The following ZNF407 variants were observed in gnomAD, a reference collection of about 807,000 sequenced individuals.
ZNF407 encodes zinc finger protein 407.
A neutral mutation model predicts 131.2 loss-of-function variants in ZNF407; 17 were observed. The ratio of observed to expected loss-of-function variants is 0.13; its 90% CI spans 0.09 to 0.19. The LOEUF (loss-of-function observed/expected upper bound fraction) is 0.19. Ranked by LOEUF, ZNF407 falls within the 10% of genes least tolerant of loss-of-function variation. The pLI is 1.00. For missense variants in ZNF407, 2,681 were observed against 2,830.6 expected, an observed-to-expected ratio of 0.95 and a Z score of 1.20; for synonymous variants, 1,156 against 1,062.0, an observed-to-expected ratio of 1.09 and a Z score of -1.72.
At chr18:74,934,371 G>A (rs979616324) in intron 8 of ZNF407, among the ~76,000 whole-genome samples, 89 of 152,030 alleles carry the variant, frequency 5.9e-4, no homozygotes, top group Non-Finnish European at 4.1e-4. Context: ...TTCCTTGTCT[G>A]GTTTCATTAA....
intron 4 of ZNF407, among the ~76,000 whole-genome samples, chr18:74,850,007 A>G (rs562951115): frequency 7.2e-5 from 11 of 152,228 alleles, no homozygotes; most frequent in Non-Finnish European, 1.5e-4. Flanking sequence ...TGTTAAAATT[A>G]GAGGGAAAAA....
At chr18:74,965,976 A>G (rs1240731489) in intron 8 of ZNF407, among the ~76,000 whole-genome samples, 1 of 152,144 alleles carries the variant, frequency 6.6e-6, no homozygotes, top group East Asian at 1.9e-4. Flanking sequence ...AGAAATGTCT[A>G]TTCAAATCTT....
At chr18:74,862,543 C>T (rs574808057) in intron 4 of ZNF407, among the ~76,000 whole-genome samples, 3 of 152,118 alleles carry the variant, frequency 2.0e-5, no homozygotes, top group Middle Eastern at 3.4e-3. Context: ...TTTTGTTTGC[C>T]GAAGTACCAA....
At chr18:74,826,668 C>T (rs1031435824) in intron 4 of ZNF407, among the ~76,000 whole-genome samples, 1 of 152,030 alleles carries the variant, frequency 6.6e-6, no homozygotes, top group South Asian at 2.1e-4. Flanking sequence ...TCTGATTTAC[C>T]CTTATTAGTA....
Position 74,881,031 on chromosome 18 carries a change from A to G in ZNF407, c.5045-5A>G. ...CAGTCCCTCATCTGTTTGTTGTTGC[A>G]ACAGGCGAGAAGTCGTTTCTGTGTG... On this transcript the variant is annotated splice_polypyrimidine_tract_variant and splice_region_variant and intron_variant, in intron 5 of 8. Coordinates refer to ENST00000299687, the MANE Select transcript of ZNF407 (RefSeq NM_017757.3). 6.3e-7 allele frequency: 1 copy of G among 1,588,234 alleles called. No homozygotes were observed. Among genetic ancestry groups the G allele is most frequent in the South Asian group, 1.1e-5 (1 of 87,304 alleles).
chr18:74,952,975 G>T (rs114713072), intron 8 of ZNF407, among the ~76,000 whole-genome samples: 5,603 of 152,282 alleles, frequency 0.037, 376 homozygotes, highest in African/African-American at 0.13. Context: ...GGTCATTTGG[G>T]CTTGGAGTGA....
rs527869986 is a variant in ZNF407, at chr18:74,724,949, C to G, written c.4803-56479C>G. Among the ~76,000 whole-genome samples, 4 of 152,308 alleles carry G rather than the reference C, an allele frequency of 2.6e-5. No individual in the cohort carries two copies. The East Asian group carries it at 5.8e-4, about 22-fold the overall frequency. On this transcript the variant is annotated intron_variant, in intron 3 of 8. Coordinates refer to ENST00000299687, the MANE Select transcript of ZNF407 (RefSeq NM_017757.3). The stretch of plus-strand genomic sequence containing the variant: ...TCAGAAAATTTGATCAATTTAACAT[C>G]TGTGAGGCTTCAACCTTTCAAGCTT...
chr18:74,994,759 A>G (rs575643070), intron 8 of ZNF407, among the ~76,000 whole-genome samples: 2 of 152,314 alleles, frequency 1.3e-5, no homozygotes, highest in Admixed American at 1.3e-4. Context: ...CGACAGGAAG[A>G]ATAGATGATG....
chr18:74,599,522 A>C (rs886820001), intron 1 of ZNF407, among the ~76,000 whole-genome samples: 1 of 152,128 alleles, frequency 6.6e-6, no homozygotes, highest in Non-Finnish European at 1.5e-5. Flanking sequence ...CACATAAATA[A>C]ATATATATAA....
intron 8 of ZNF407, among the ~76,000 whole-genome samples, chr18:75,031,119 G>A (rs1213372497): frequency 1.3e-5 from 2 of 152,192 alleles, no homozygotes; most frequent in African/African-American, 4.8e-5. Flanking sequence ...TCACACTCAT[G>A]TAATAACAAC....
At chr18:74,915,603 C>A (rs1488066508) in intron 7 of ZNF407, among the ~76,000 whole-genome samples, 3 of 100,516 alleles carry the variant, frequency 3.0e-5, no homozygotes, top group Admixed American at 1.1e-4. Flanking sequence ...AGGTTGTGTG[C>A]AGCATTGGTT....
chr18:74,708,982 C>G (rs1056982023), intron 3 of ZNF407, among the ~76,000 whole-genome samples: 2 of 152,146 alleles, frequency 1.3e-5, no homozygotes, highest in African/African-American at 4.8e-5. Flanking sequence ...TAGTGTCTTA[C>G]TTGGTGAAAG....
In ZNF407 at chr18:74,632,591, T is replaced by C; in HGVS notation, c.1572T>C (p.Ser524=). 1.2e-6 allele frequency: 2 copies of C among 1,614,044 alleles called. No homozygotes were observed. Among genetic ancestry groups the C allele is most frequent in the South Asian group, 2.2e-5 (2 of 91,092 alleles). The change falls in exon 2 of 9, where the codon TCT becomes TCC. Residue 524 remains serine, a synonymous_variant. Coordinates refer to ENST00000299687, the MANE Select transcript of ZNF407 (RefSeq NM_017757.3). Reference sequence around the variant, plus strand: ...TGACAGTGAAGCCAGCTTCTGGCTCTCAGACGTTGTGTGCTTGTACAGACT... The same window carrying C: ...TGACAGTGAAGCCAGCTTCTGGCTCCCAGACGTTGTGTGCTTGTACAGACT... ...HSLTVKPASG[S]QTLCACTDCG... is the part of the protein sequence containing the mutation.
chr18:74,672,441 T>TTATCTGTTCATTGGAGCAC (rs1986178476), intron 3 of ZNF407, among the ~76,000 whole-genome samples: 1 of 22,862 alleles, frequency 4.4e-5, no homozygotes, highest in Non-Finnish European at 2.0e-4. Flanking sequence ...GGAGCACTGT[T>TTATCTGTTCATTGGAGCAC]TGTCTGTTCA....
chr18:74,710,573 C>T (rs909726488), intron 3 of ZNF407, among the ~76,000 whole-genome samples: 1 of 152,208 alleles, frequency 6.6e-6, no homozygotes, highest in African/African-American at 2.4e-5. Flanking sequence ...TCAATACTGT[C>T]CTCATGGGTG....
chr18:74,840,861 T>C (rs537489918), intron 4 of ZNF407, among the ~76,000 whole-genome samples: 2 of 152,362 alleles, frequency 1.3e-5, no homozygotes, highest in South Asian at 4.1e-4. Context: ...GCCAGTGGTC[T>C]CCTAATTAGT....
chr18:74,865,303 G>C (rs1352955819), intron 4 of ZNF407, among the ~76,000 whole-genome samples: 1 of 152,198 alleles, frequency 6.6e-6, no homozygotes. Context: ...GTAAACAGTT[G>C]TGTGGTTTTG....
At chr18:74,844,033 G>A (rs1032017230) in intron 4 of ZNF407, among the ~76,000 whole-genome samples, 13 of 152,154 alleles carry the variant, frequency 8.5e-5, no homozygotes, top group Middle Eastern at 6.3e-3. Flanking sequence ...AAAAATTGAT[G>A]TAAAACAATT....
chr18:74,906,634 T>A (rs1292394987), intron 7 of ZNF407, among the ~76,000 whole-genome samples: 1 of 152,240 alleles, frequency 6.6e-6, no homozygotes, highest in Non-Finnish European at 1.5e-5. Flanking sequence ...TTACTAGGCT[T>A]CCTTTGAATA....
Sources: gnomAD v4.1 joint callset for allele counts (sites outside exome capture counted in the v4.1 genomes callset) on GRCh38, gnomAD v4.1.1 for gene constraint, MANE v1.5 for transcripts, NCBI Gene and HGNC (gene_info 2026-07-23, HGNC 2026-07-21) for gene names.